Variants in STAMBP observed in about 807,000 individuals in gnomAD.
The protein encoded by STAMBP is STAM-binding protein.
A neutral mutation model predicts 50.7 loss-of-function variants in STAMBP; 31 were observed. That is an observed-to-expected ratio of 0.61 (90% confidence interval 0.46 to 0.83). The LOEUF (loss-of-function observed/expected upper bound fraction) is 0.83, where lower values mean the gene tolerates loss of function less well. Ranked by LOEUF, STAMBP falls within the 40% of genes least tolerant of loss-of-function variation. The probability of loss-of-function intolerance (pLI) is 0.00; values close to 1 mark genes in which losing one functional copy is unlikely to be tolerated. For missense variants in STAMBP, 472 were observed against 518.9 expected (o/e 0.91, Z 0.88); for synonymous variants, 211 against 192.4 (o/e 1.10, Z -0.80).
chr2:73,833,356 A>G (rs189889283), intron 2 of STAMBP, among the ~76,000 whole-genome samples: 119 of 152,348 alleles, frequency 7.8e-4, no homozygotes, highest in African/African-American at 2.8e-3. Context: ...TAGTTCTTTA[A>G]TGCCATTATG....
At chr2:73,861,686 AT>A (rs954145238) in intron 9 of STAMBP, among the ~76,000 whole-genome samples, 5,637 of 126,632 alleles carry the variant, frequency 0.045, 113 homozygotes, top group Non-Finnish European at 0.058. Context: ...ACCGGGTTAA[AT>A]TTTTTTTTTT....
At chr2:73,848,851 T>C (rs1226203101) in intron 5 of STAMBP, among the ~76,000 whole-genome samples, 1 of 152,198 alleles carries the variant, frequency 6.6e-6, no homozygotes, top group Non-Finnish European at 1.5e-5. Flanking sequence ...TCCCAAATGT[T>C]TCAAGAACTT....
At chr2:73,867,642 C>T (rs760108976), downstream of STAMBP, among the ~76,000 whole-genome samples, 8 of 151,982 alleles carry the variant, frequency 5.3e-5, no homozygotes, top group African/African-American at 1.2e-4. Context: ...TAGAGATGAA[C>T]GATAATACAA....
intron 10 of STAMBP, chr2:73,873,292 T>A (rs1220625564): frequency 6.6e-6 from 1 of 152,252 alleles, no homozygotes; most frequent in African/African-American, 2.4e-5. Context: ...TCTTTATTGA[T>A]GGCTGAGTAA....
rs1388967546 is a variant in STAMBP at position 73,863,061 on chromosome 2, T to A, written c.*802T>A. On this transcript the variant is annotated 3_prime_UTR_variant, in exon 10 of 10. Transcript: ENST00000394070. ...GTTTTTTATCTGCCTGTTGCCATCTTCCAGAGGTGTTGTGAAGTCATCTCT... is the reference window on the plus strand; with the variant it reads ...GTTTTTTATCTGCCTGTTGCCATCTACCAGAGGTGTTGTGAAGTCATCTCT... 2.6e-5 allele frequency: 4 copies of A among 152,232 alleles called. No homozygotes were observed. Among genetic ancestry groups the A allele is most frequent in the Non-Finnish European group, 5.9e-5 (4 of 68,050 alleles). 9.4% of individuals were successfully genotyped at this position (152,232 alleles called of 1,614,324 possible). A position where few individuals can be genotyped will look rare whatever the true frequency, so the allele number is the denominator to read the frequency against.
rs1272283424 is a variant in STAMBP, at chr2:73,844,809, T to C, written c.204-4T>C. On this transcript the variant is annotated splice_polypyrimidine_tract_variant and splice_region_variant and intron_variant, in intron 2 of 9. Coordinates refer to ENST00000394070, the MANE Select transcript of STAMBP (RefSeq NM_213622.4). ...TTCATAATCATTTTGAACTGTTTCC[T>C]TAGGCTCTTTATTGAGAAACTACCA... is the stretch of plus-strand genomic sequence containing the variant. The C allele has an allele frequency of 6.2e-7, 1 of 1,612,786 alleles. No homozygotes were observed. Among genetic ancestry groups the C allele is most frequent in the Non-Finnish European group, 8.5e-7 (1 of 1,179,042 alleles).
rs1573401206 is a variant in STAMBP, at chr2:73,860,064, T to C, written c.1131T>C (p.Phe377=). ...TTTTAAATTTCAGAACTGGATTCTT[T>C]AAACTAACTGACCATGGACTAGAGG... ...CSPKFQETGF[F]KLTDHGLEEI... Residue 377 remains phenylalanine (F), a synonymous_variant, in exon 9 of 10, where the codon TTT becomes TTC. Transcript: ENST00000394070. 3 of 1,613,910 alleles carry C rather than the reference T, an allele frequency of 1.9e-6. No individual in the cohort carries two copies. Among genetic ancestry groups the C allele is most frequent in the Non-Finnish European group, 2.5e-6 (3 of 1,179,944 alleles).
At position 73,847,590 on chromosome 2, in the gene STAMBP, T is replaced by G. The variant is rs1676287248; in HGVS notation, c.579T>G (p.Gly193=). Residue 193 remains glycine (G), a synonymous_variant, in exon 5 of 10, where the codon GGT becomes GGG. Coordinates refer to ENST00000394070, the MANE Select transcript of STAMBP (RefSeq NM_213622.4). The part of the protein sequence containing the change: ...QEFGKVDPGL[G]GPLVPDLEKP... The stretch of plus-strand genomic sequence containing the variant: ...TTGGGAAGGTAGACCCTGGCCTAGG[T>G]GGCCCGCTAGTGCCTGACTTGGAGA... The G allele has an allele frequency of 6.2e-7, 1 of 1,614,058 alleles. No homozygotes were observed. Among genetic ancestry groups the G allele is most frequent in the African/African-American group, 1.3e-5 (1 of 74,934 alleles).
chr2:73,847,563 G>A lies in STAMBP; in HGVS notation c.552G>A (p.Glu184=). 1.2e-6 allele frequency: 2 copies of A among 1,614,192 alleles called. No individual in the cohort carries two copies. Among genetic ancestry groups the A allele is most frequent in the Non-Finnish European group, 1.7e-6 (2 of 1,180,038 alleles). The change falls in exon 5 of 10, where the codon GAG becomes GAA. Residue 184 remains glutamate (E), a synonymous_variant. Transcript: ENST00000394070. ...AAGAGCGACTGAAAATTGTACAGGA[G>A]TTTGGGAAGGTAGACCCTGGCCTAG... ...LEKERLKIVQ[E]FGKVDPGLGG...
chr2:73,868,884 GAAA>G (rs60251936), downstream of STAMBP, among the ~76,000 whole-genome samples: 2 of 150,050 alleles, frequency 1.3e-5, no homozygotes. Flanking sequence ...CTCAAAAAAA[GAAA>G]AAAAAAGAAA....
intron 2 of STAMBP, among the ~76,000 whole-genome samples, chr2:73,840,313 G>GTTTTTTT (rs57827239): frequency 8.6e-6 from 1 of 115,640 alleles, no homozygotes; most frequent in African/African-American, 3.0e-5. Context: ...TTAGGGGTTT[G>GTTTTTTT]TTTTTTTTTT....
chr2:73,850,476 A>C lies in STAMBP; in HGVS notation c.968A>C (p.Gln323Pro). ...AACGAAGAAGAACTTTTCCTCATAC[A>C]GGATCAGCAGGGCCTCATCACACTG... ...TENEEELFLI[Q>P]DQQGLITLGW... Residue 323 changes from glutamine to proline, a missense_variant, in exon 7 of 10, where the codon CAG becomes CCG. Transcript: ENST00000394070. This position sits in a 1 kb window ranked among gnomAD's most constrained non-coding sequence, Gnocchi z 4.3. The C allele has an allele frequency of 6.2e-7, 1 of 1,613,800 alleles. No homozygotes were observed. The highest frequency in any genetic ancestry group is 8.5e-7 in the Non-Finnish European group (1 of 1,179,886).
At chr2:73,843,615 C>A (rs1335045589) in intron 2 of STAMBP, among the ~76,000 whole-genome samples, 1 of 151,870 alleles carries the variant, frequency 6.6e-6, no homozygotes, top group Non-Finnish European at 1.5e-5. Context: ...TTTTAAAGAA[C>A]CATTTTTATT....
chr2:73,831,470 A>G (rs550450113), intron 2 of STAMBP, among the ~76,000 whole-genome samples: 2 of 152,104 alleles, frequency 1.3e-5, no homozygotes, highest in Non-Finnish European at 2.9e-5. Context: ...ACAGGAAAAA[A>G]TTTTTTCCTC....
At chr2:73,868,527 TA>T (rs1553390579), downstream of STAMBP, among the ~76,000 whole-genome samples, 16 of 151,956 alleles carry the variant, frequency 1.1e-4, no homozygotes, top group South Asian at 1.2e-3. Context: ...GAGTCTCTCA[TA>T]AAAAAAAATT....
At chr2:73,839,884 C>G (rs1416386493) in intron 2 of STAMBP, among the ~76,000 whole-genome samples, 2 of 152,154 alleles carry the variant, frequency 1.3e-5, no homozygotes, top group Admixed American at 1.3e-4. Context: ...ACATACTGAG[C>G]CATCTCATTC....
In STAMBP at chr2:73,866,834, AAAG is replaced by A. The variant is rs1186576327; in HGVS notation, c.*4576_*4578del. On this transcript the variant is annotated 3_prime_UTR_variant, in exon 10 of 10. Coordinates refer to ENST00000394070, the MANE Select transcript of STAMBP (RefSeq NM_213622.4). ...CAGAAATCAAGGAAGGCAACAGTTTAAAGGAGGGGAGGGAGATCAGTGGTGCCA... is the reference window on the plus strand; with the variant it reads ...CAGAAATCAAGGAAGGCAACAGTTTAGAGGGGAGGGAGATCAGTGGTGCCA... 1 of 152,320 alleles carries A rather than the reference AAAG, an allele frequency of 6.6e-6. No homozygotes were observed. Among genetic ancestry groups the A allele is most frequent in the African/African-American group, 2.4e-5 (1 of 41,460 alleles). The allele number at this position is 152,320 out of a possible 1,614,324, so 9.4% of individuals were successfully genotyped here.
At chr2:73,845,068 T>G in intron 3 of STAMBP, 99 bp from the exon 4 acceptor site, 18 of 1,565,166 alleles carry the variant, frequency 1.2e-5, no homozygotes, top group Non-Finnish European at 1.6e-5. Context: ...TTTAAATCAT[T>G]TTGGGAAATG....
chr2:73,852,917 G>GGTGT (rs56684009), intron 7 of STAMBP, among the ~76,000 whole-genome samples: 4,623 of 122,772 alleles, frequency 0.038, 170 homozygotes, highest in African/African-American at 0.072. Context: ...ATGTTGGCCA[G>GGTGT]GTGTGTGTGT....
Sources: gnomAD v4.1 joint callset for allele counts (sites outside exome capture counted in the v4.1 genomes callset) on GRCh38, gnomAD v4.1.1 for gene constraint, Gnocchi (gnomAD v3.1) non-coding constraint, MANE v1.5 for transcripts, NCBI Gene and HGNC (gene_info 2026-07-23, HGNC 2026-07-21) for gene names.